UGT1A6: variants seen among roughly 807,000 people sequenced by gnomAD.
UGT1A6 encodes UDP-glucuronosyltransferase 1A6.
A neutral mutation model predicts 44.4 loss-of-function variants in UGT1A6; 32 were observed. The ratio of observed to expected loss-of-function variants is 0.72; its 90% CI spans 0.54 to 0.97. The LOEUF is 0.97. Ranked by LOEUF, UGT1A6 falls within the 50% of genes least tolerant of loss-of-function variation. UGT1A6 has a pLI of 0.00. For synonymous variants in UGT1A6, 238 were observed against 248.5 expected, an observed-to-expected ratio of 0.96 and a Z score of 0.40; for missense variants, 685 against 661.9, an observed-to-expected ratio of 1.03 and a Z score of -0.38.
intron 1 of UGT1A6, chr2:233,747,824 C>T (rs1693787782): frequency 6.2e-7 from 1 of 1,613,430 alleles, no homozygotes; most frequent in Admixed American, 1.7e-5. Context: ...ATTCAGACCA[C>T]ATGACATTCC....
chr2:233,769,846 A>T lies in UGT1A6; in HGVS notation c.1301+1407A>T. 5.9e-6 allele frequency: 3 copies of T among 506,296 alleles called. No individual in the cohort carries two copies. Among genetic ancestry groups the T allele is most frequent in the African/African-American group, 2.0e-5 (1 of 49,168 alleles). The allele number at this position is 506,296 out of a possible 1,614,324, so 31.4% of individuals were successfully genotyped here. ...CTCCAGCAACCTGGGCAACAGAGTG[A>T]GACCCTGTCTCAAAAAAAAAAAAAA... On this transcript the variant is annotated intron_variant, in intron 4 of 4. Coordinates refer to ENST00000305139, the MANE Select transcript of UGT1A6 (RefSeq NM_001072.4). The surrounding 1 kb of genome is among the most constrained non-coding windows in gnomAD (Gnocchi z 4.4).
chr2:233,712,755 G>A (rs28898599), intron 1 of UGT1A6, among the ~76,000 whole-genome samples: 1,732 of 152,288 alleles, frequency 0.011, 28 homozygotes, highest in African/African-American at 0.04. Context: ...TCCCCAGAGC[G>A]AGCGCAAGGT....
At chr2:233,726,564 T>TA (rs1292410166) in intron 1 of UGT1A6, among the ~76,000 whole-genome samples, 1 of 152,188 alleles carries the variant, frequency 6.6e-6, no homozygotes, top group Non-Finnish European at 1.5e-5. Flanking sequence ...CTCCCACTCT[T>TA]ACGCCTGTCT....
intron 1 of UGT1A6, among the ~76,000 whole-genome samples, chr2:233,710,938 C>T (rs1294280393): frequency 6.6e-6 from 1 of 152,316 alleles, no homozygotes; most frequent in East Asian, 1.9e-4. Context: ...TTGTTTAGGT[C>T]TTTGTTTATG....
chr2:233,740,163 G>T (rs1258097121), intron 1 of UGT1A6, among the ~76,000 whole-genome samples: 1 of 151,848 alleles, frequency 6.6e-6, no homozygotes, highest in Non-Finnish European at 1.5e-5. Flanking sequence ...CCCCAGTCAT[G>T]TGGAACTGTG....
Position 233,768,444 on chromosome 2 carries a change from G to T in UGT1A6, c.1301+5G>T. 3.7e-6 allele frequency: 6 copies of T among 1,612,940 alleles called. No homozygotes were observed. The highest frequency in any genetic ancestry group is 5.1e-6 in the Non-Finnish European group (6 of 1,179,422). Reference sequence around the variant, plus strand: ...AGCAGTCATCAATGACAAAAGGTAAGAAAGAAGATACAGAAGAATACTTTG... The same window carrying T: ...AGCAGTCATCAATGACAAAAGGTAATAAAGAAGATACAGAAGAATACTTTG... On this transcript the variant is annotated splice_donor_5th_base_variant and intron_variant, in intron 4 of 4. Coordinates refer to ENST00000305139, the MANE Select transcript of UGT1A6 (RefSeq NM_001072.4).
intron 1 of UGT1A6, chr2:233,742,938 A>G: frequency 4.7e-6 from 1 of 214,112 alleles, no homozygotes; most frequent in Admixed American, 5.3e-5. Context: ...ATTCTGTCCT[A>G]CCACTAGCAA....
At chr2:233,727,938 C>T (rs2077667828) in intron 1 of UGT1A6, among the ~76,000 whole-genome samples, 1 of 152,196 alleles carries the variant, frequency 6.6e-6, no homozygotes. Flanking sequence ...AGTGCACACC[C>T]CAGACAGCCT....
chr2:233,747,095 T>C, intron 1 of UGT1A6: 1 of 1,292,004 alleles, frequency 7.7e-7, no homozygotes, highest in South Asian at 1.4e-5. Context: ...GAGCACTCTA[T>C]CTTCCAATTA....
At chr2:233,765,130 A>G (rs1448520577) in intron 1 of UGT1A6, among the ~76,000 whole-genome samples, 4 of 152,148 alleles carry the variant, frequency 2.6e-5, no homozygotes, top group Non-Finnish European at 4.4e-5. Context: ...AGGTTTTAGC[A>G]CTGAACATCA....
intron 1 of UGT1A6, among the ~76,000 whole-genome samples, chr2:233,762,901 A>G (rs545178357): frequency 1.3e-5 from 2 of 152,194 alleles, no homozygotes; most frequent in Admixed American, 6.5e-5. Flanking sequence ...GCCAAATATC[A>G]GGGCTATTGA....
At position 233,719,159 on chromosome 2, in the gene UGT1A6, T is replaced by G. The variant is rs28898610; in HGVS notation, c.861+25294T>G. On this transcript the variant is annotated intron_variant, in intron 1 of 4. Coordinates refer to ENST00000305139, the MANE Select transcript of UGT1A6 (RefSeq NM_001072.4). ...ATCTTCTGAAGAGATATTCTAGAAGTATGGCAATTATGAACAATGTATCTT... is the reference window on the plus strand; with the variant it reads ...ATCTTCTGAAGAGATATTCTAGAAGGATGGCAATTATGAACAATGTATCTT... 1.9e-6 allele frequency: 3 copies of G among 1,614,126 alleles called. No homozygotes were observed. Among genetic ancestry groups the G allele is most frequent in the Admixed American group, 1.7e-5 (1 of 60,002 alleles).
chr2:233,758,527 A>G (rs1696905658), intron 1 of UGT1A6, among the ~76,000 whole-genome samples: 1 of 152,232 alleles, frequency 6.6e-6, no homozygotes, highest in East Asian at 1.9e-4. Context: ...GAGTGAAAGC[A>G]TTGCTATGTC....
At position 233,767,022 on chromosome 2, in the gene UGT1A6, T is replaced by G. The variant is rs1433529256; in HGVS notation, c.862-12T>G. 2.5e-6 allele frequency: 4 copies of G among 1,613,876 alleles called. No homozygotes were observed. The African/African-American group carries it at 5.3e-5, about 22-fold the overall frequency. On this transcript the variant is annotated splice_polypyrimidine_tract_variant and intron_variant, in intron 1 of 4. Coordinates refer to ENST00000305139, the MANE Select transcript of UGT1A6 (RefSeq NM_001072.4). Reference sequence around the variant, plus strand: ...AGAAAAAATTAACTGAAAATTTTTCTTCTGGCTCTAGGAATTTGAAGCCTA... The same window carrying G: ...AGAAAAAATTAACTGAAAATTTTTCGTCTGGCTCTAGGAATTTGAAGCCTA...
chr2:233,729,936 G>T lies in UGT1A6; in HGVS notation c.861+36071G>T, dbSNP rs1335744695. On this transcript the variant is annotated intron_variant, in intron 1 of 4. Transcript: ENST00000305139. ...TGATGGACTACCCCAGGCCAATCAT[G>T]CCCAACATGGTCTTCATTGGGGGCA... 5 of 1,613,890 alleles carry T rather than the reference G, an allele frequency of 3.1e-6. No individual in the cohort carries two copies. In the African/African-American group the frequency reaches 6.7e-5, roughly 22 times the overall value.
intron 1 of UGT1A6, among the ~76,000 whole-genome samples, chr2:233,746,183 A>G (rs985573808): frequency 4.6e-5 from 7 of 151,896 alleles, no homozygotes; most frequent in Admixed American, 6.5e-5. Context: ...TGTAAGGAAT[A>G]TATGTATAGG....
chr2:233,757,549 T>C lies in UGT1A6; in HGVS notation c.862-9485T>C, dbSNP rs1446411737. Among the ~76,000 whole-genome samples, 177 of 133,748 alleles carry C rather than the reference T, an allele frequency of 1.3e-3. 1 individual carries two copies. The highest frequency in any genetic ancestry group is 1.5e-3 in the Non-Finnish European group (97 of 64,202). The allele number at this position is 133,748 out of a possible 152,430, so 87.7% of individuals were successfully genotyped here. ...TGCCTGTAAGGAATATATATATATATATATATATATATGTATATATGATAT... is the reference window on the plus strand; with the variant it reads ...TGCCTGTAAGGAATATATATATATACATATATATATATGTATATATGATAT... On this transcript the variant is annotated intron_variant, in intron 1 of 4. Transcript: ENST00000305139.
chr2:233,702,566 T>C (rs2075693872), intron 1 of UGT1A6, among the ~76,000 whole-genome samples: 1 of 152,194 alleles, frequency 6.6e-6, no homozygotes, highest in Non-Finnish European at 1.5e-5. Flanking sequence ...ATTCAGTCTT[T>C]TAGCAGATTA....
At chr2:233,752,385 CAG>C (rs1206895244) in intron 1 of UGT1A6, 1 of 152,142 alleles carries the variant, frequency 6.6e-6, no homozygotes, top group Non-Finnish European at 1.5e-5. Flanking sequence ...ATCTTTGCAA[CAG>C]AGGAAATGCC....
Sources: gnomAD v4.1 joint callset for allele counts (sites outside exome capture counted in the v4.1 genomes callset) on GRCh38, gnomAD v4.1.1 for gene constraint, Gnocchi (gnomAD v3.1) non-coding constraint, MANE v1.5 for transcripts, NCBI Gene and HGNC (gene_info 2026-07-23, HGNC 2026-07-21) for gene names.